SLC13A1: variants seen among roughly 807,000 people sequenced by gnomAD.
SLC13A1 encodes the protein solute carrier family 13 member 1.
In SLC13A1, 65 loss-of-function variants were observed where a neutral mutation model predicts 70.0. That is an observed-to-expected ratio of 0.93 (90% CI 0.76 to 1.14). The LOEUF is 1.14. SLC13A1 is among the 50% of genes most tolerant of loss of function. The probability of loss-of-function intolerance (pLI) is 0.00; values close to 1 mark genes in which losing one functional copy is unlikely to be tolerated. For missense variants in SLC13A1, 726 were observed against 717.8 expected, an observed-to-expected ratio of 1.01 and a Z score of -0.13; for synonymous variants, 275 against 250.5, an observed-to-expected ratio of 1.10 and a Z score of -0.92.
chr7:123,162,541 A>G (rs558150153), intron 6 of SLC13A1, among the ~76,000 whole-genome samples: 1 of 152,218 alleles, frequency 6.6e-6, no homozygotes, highest in Admixed American at 6.6e-5. Flanking sequence ...AGCAGTACTA[A>G]TTACTGCCTT....
chr7:123,126,497 T>G (rs1406325732), intron 10 of SLC13A1, among the ~76,000 whole-genome samples: 1 of 152,152 alleles, frequency 6.6e-6, no homozygotes. Context: ...TATTAACTAG[T>G]GCATTTCTGT....
chr7:123,153,446 TA>T (rs1794618877), intron 6 of SLC13A1, among the ~76,000 whole-genome samples: 1 of 152,062 alleles, frequency 6.6e-6, no homozygotes, highest in African/African-American at 2.4e-5. Flanking sequence ...ATCTAGCCAG[TA>T]AACATGAGCT....
intron 6 of SLC13A1, among the ~76,000 whole-genome samples, chr7:123,151,386 GTA>G (rs1554548261): frequency 0.039 from 5,653 of 145,738 alleles, 151 homozygotes; most frequent in Non-Finnish European, 0.06. Flanking sequence ...GTGTGTGTGT[GTA>G]TATATATATA....
At chr7:123,183,779 CCCTTT>C (rs1228763356) in intron 1 of SLC13A1, among the ~76,000 whole-genome samples, 4 of 152,162 alleles carry the variant, frequency 2.6e-5, no homozygotes, top group African/African-American at 9.7e-5. Flanking sequence ...TCCAGACCTT[CCCTTT>C]CATCTTTAAA....
In SLC13A1 at chr7:123,149,511, T is replaced by G. The variant is rs955874334; in HGVS notation, c.661-2201A>C. 5.0e-5 allele frequency: 23 copies of G among 456,540 alleles called. No individual in the cohort carries two copies. In the East Asian group the frequency reaches 8.3e-4, roughly 17 times the overall value. The allele number at this position is 456,540 out of a possible 1,614,324, so 28.3% of individuals were successfully genotyped here. A position where few individuals can be genotyped will look rare whatever the true frequency, so the allele number is the denominator to read the frequency against. ...TACAAGTGGCAGGGGGTTGGGGCAC[T>G]GGGGAAATACTCCAACTTTCTCCAT... is the stretch of plus-strand genomic sequence containing the variant. On this transcript the variant is annotated intron_variant, in intron 6 of 14. Transcript: ENST00000194130.
chr7:123,162,610 T>C (rs1050962171), intron 6 of SLC13A1, among the ~76,000 whole-genome samples: 2 of 152,088 alleles, frequency 1.3e-5, no homozygotes, highest in Non-Finnish European at 2.9e-5. Flanking sequence ...GAGCCAGCTT[T>C]TGTTTGTTAC....
chr7:123,173,138 A>G (rs537428987), intron 2 of SLC13A1, among the ~76,000 whole-genome samples: 1 of 152,122 alleles, frequency 6.6e-6, no homozygotes, highest in Non-Finnish European at 1.5e-5. Context: ...AAGGAATGGG[A>G]ATGTTGGAAT....
At position 123,125,655 on chromosome 7, in the gene SLC13A1, T is replaced by C. The variant is rs1283318796; in HGVS notation, c.1154A>G (p.Asp385Gly). The stretch of plus-strand genomic sequence containing the variant: ...CCCTATAAGTAAAGCAACAGTTGAA[T>C]CTGTAGCAAAACCAGGGTACCTGTA... The part of the protein sequence containing the change: ...LFSEYPGFAT[D>G]STVALLIGLL... The change falls in exon 11 of 15, where the codon GAT (aspartate) becomes GGT (glycine). Residue 385 changes from aspartate to glycine, a missense_variant. Physicochemically the swap from Asp to Gly is moderately conservative, Grantham distance 94. Transcript: ENST00000194130. 6.2e-7 allele frequency: 1 copy of C among 1,612,628 alleles called. No homozygotes were observed.
chr7:123,121,019 G>A (rs546108286), intron 12 of SLC13A1, among the ~76,000 whole-genome samples: 3 of 152,032 alleles, frequency 2.0e-5, no homozygotes, highest in African/African-American at 7.2e-5. Flanking sequence ...GTGTTATTTT[G>A]TGGAAATGTT....
In SLC13A1 at chr7:123,115,410, C is replaced by T; in HGVS notation, c.*108G>A. 1 of 1,167,482 alleles carries T rather than the reference C, an allele frequency of 8.6e-7. No individual in the cohort carries two copies. The highest frequency in any genetic ancestry group is 1.2e-6 in the Non-Finnish European group (1 of 814,050). The allele number at this position is 1,167,482 out of a possible 1,614,324, so 72.3% of individuals were successfully genotyped here. ...ATTCACAGGAATTGCAGCAGCTACACCATAACTGATTTAAATGTGTGTCAT... is the reference window on the plus strand; with the variant it reads ...ATTCACAGGAATTGCAGCAGCTACATCATAACTGATTTAAATGTGTGTCAT... On this transcript the variant is annotated 3_prime_UTR_variant, in exon 15 of 15. Coordinates refer to ENST00000194130, the MANE Select transcript of SLC13A1 (RefSeq NM_022444.4).
chr7:123,179,411 C>A (rs1795563189), intron 2 of SLC13A1, among the ~76,000 whole-genome samples: 1 of 152,076 alleles, frequency 6.6e-6, no homozygotes, highest in Non-Finnish European at 1.5e-5. Context: ...TGGATGGGAT[C>A]CCTGTTCTGG....
intron 14 of SLC13A1, 52 bp from the exon 15 acceptor site, chr7:123,115,707 A>C: frequency 6.3e-7 from 1 of 1,593,962 alleles, no homozygotes; most frequent in South Asian, 1.1e-5. Flanking sequence ...AGCCTACAGG[A>C]GATTAGAATC....
chr7:123,180,582 A>G (rs1257712532), intron 2 of SLC13A1, among the ~76,000 whole-genome samples: 1 of 152,174 alleles, frequency 6.6e-6, no homozygotes. Flanking sequence ...GTTTCTGGAA[A>G]TGAAAACAGG....
chr7:123,195,297 G>A (rs963812146), intron 1 of SLC13A1, among the ~76,000 whole-genome samples: 2 of 151,870 alleles, frequency 1.3e-5, no homozygotes, highest in African/African-American at 4.8e-5. Context: ...GGACTTTATA[G>A]CATTTTCTTC....
chr7:123,178,033 C>CTCTCTCTCTCTCTCTCTCTCTATATATA (rs761704605), intron 2 of SLC13A1, among the ~76,000 whole-genome samples: 2 of 149,956 alleles, frequency 1.3e-5, no homozygotes, highest in African/African-American at 2.5e-5. Context: ...CTCTCTCTCT[C>CTCTCTCTCTCTCTCTCTCTCTATATATA]TATATATATA....
intron 1 of SLC13A1, among the ~76,000 whole-genome samples, chr7:123,199,645 T>C (rs923010802): frequency 1.3e-5 from 2 of 152,036 alleles, no homozygotes; most frequent in Non-Finnish European, 2.9e-5. Flanking sequence ...TTAATTATGT[T>C]TAATCATACT....
chr7:123,195,034 T>C (rs1796133623), intron 1 of SLC13A1, among the ~76,000 whole-genome samples: 1 of 152,192 alleles, frequency 6.6e-6, no homozygotes, highest in Non-Finnish European at 1.5e-5. Flanking sequence ...ATATAATGAC[T>C]TTCCAGCAAT....
chr7:123,160,964 C>G (rs1190317969), intron 6 of SLC13A1, among the ~76,000 whole-genome samples: 2 of 151,412 alleles, frequency 1.3e-5, no homozygotes, highest in African/African-American at 2.4e-5. Flanking sequence ...AAACTCAAAA[C>G]TAATAAGGTA....
rs930741043 is a variant in SLC13A1, at chr7:123,180,966, GACT to G, written c.228+4_228+6del. 2 of 1,607,432 alleles carry G rather than the reference GACT, an allele frequency of 1.2e-6. No homozygotes were observed. The highest frequency in any genetic ancestry group is 2.7e-5 in the African/African-American group (2 of 74,506). ...AATCAACTTATGACATTGGCAAGAG[GACT>G]TACCTTCTTAGAAGGCATGATCCCA... On this transcript the variant is annotated splice_donor_5th_base_variant and intron_variant, in intron 2 of 14. Transcript: ENST00000194130.
Sources: gnomAD v4.1 joint callset for allele counts (sites outside exome capture counted in the v4.1 genomes callset) on GRCh38, gnomAD v4.1.1 for gene constraint, MANE v1.5 for transcripts, NCBI Gene and HGNC (gene_info 2026-07-23, HGNC 2026-07-21) for gene names.